Variants in GABRA5 observed in about 807,000 individuals in gnomAD.
GABRA5 encodes gamma-aminobutyric acid receptor subunit alpha-5.
Under a neutral mutation model 47.3 loss-of-function variants are expected in GABRA5, and 18 were observed. The observed-to-expected ratio is 0.38, with a 90% CI of 0.26 to 0.56. GABRA5 has a LOEUF of 0.56. Among genes scored for constraint, GABRA5 ranks in the 20% least tolerant of loss-of-function variants. The probability of loss-of-function intolerance (pLI) is 0.71; values close to 1 mark genes in which losing one functional copy is unlikely to be tolerated. For synonymous variants in GABRA5, 237 were observed against 229.3 expected (o/e 1.03, Z -0.30); for missense variants, 365 against 599.3 (o/e 0.61, Z 4.08).
chr15:26,867,814 C>G lies in GABRA5; in HGVS notation c.-140+703C>G, dbSNP rs1351170329. The G allele has an allele frequency of 3.3e-5, 5 of 152,032 alleles. No individual in the cohort carries two copies. The highest frequency in any genetic ancestry group is 9.7e-5 in the African/African-American group (4 of 41,440). 9.4% of individuals were successfully genotyped at this position (152,032 alleles called of 1,614,324 possible). On this transcript the variant is annotated intron_variant, in intron 1 of 10. Transcript: ENST00000335625. This position sits in a 1 kb window ranked among gnomAD's most constrained non-coding sequence, Gnocchi z 5.9. ...TCGGACCCCGCGGGGGTGTCGCGCG[C>G]GTGTCGCGCGGGCTGCTCGAGGCCA...
At chr15:26,936,691 G>C (rs1012014390) in intron 7 of GABRA5, among the ~76,000 whole-genome samples, 1 of 152,208 alleles carries the variant, frequency 6.6e-6, no homozygotes, top group South Asian at 2.1e-4. Context: ...CTGTTGCAGA[G>C]TGGAAGGCTT....
At chr15:26,945,714 G>A (rs941970384) in intron 10 of GABRA5, among the ~76,000 whole-genome samples, 1 of 152,182 alleles carries the variant, frequency 6.6e-6, no homozygotes, top group African/African-American at 2.4e-5. Context: ...GCCTGCAGCT[G>A]GGGAGCACGT....
intron 10 of GABRA5, among the ~76,000 whole-genome samples, chr15:26,945,937 G>A (rs1942249328): frequency 6.6e-6 from 1 of 151,882 alleles, no homozygotes; most frequent in Non-Finnish European, 1.5e-5. Flanking sequence ...ATTCTAAGCA[G>A]TAACTCACAT....
intron 6 of GABRA5, among the ~76,000 whole-genome samples, chr15:26,893,825 G>A (rs1893103471): frequency 6.6e-6 from 1 of 152,070 alleles, no homozygotes; most frequent in African/African-American, 2.4e-5. Flanking sequence ...TGGGCCAGGG[G>A]ACCCGCGTGG....
intron 3 of GABRA5, among the ~76,000 whole-genome samples, chr15:26,875,988 G>A (rs1488738393): frequency 2.0e-5 from 3 of 152,192 alleles, no homozygotes; most frequent in African/African-American, 7.2e-5. Context: ...AGAGGTGATT[G>A]CAGTGGCCCA....
chr15:26,876,763 C>T (rs1318508399), intron 3 of GABRA5, among the ~76,000 whole-genome samples: 1 of 152,152 alleles, frequency 6.6e-6, no homozygotes, highest in African/African-American at 2.4e-5. Context: ...GAATGAAAGG[C>T]TCTTTTAAAG....
intron 7 of GABRA5, among the ~76,000 whole-genome samples, chr15:26,927,871 C>G (rs1014755151): frequency 1.3e-5 from 2 of 152,146 alleles, no homozygotes; most frequent in African/African-American, 4.8e-5. Context: ...TAATGCAGAA[C>G]TGAATTAACA....
At chr15:26,895,387 G>T (rs1566871464) in intron 6 of GABRA5, among the ~76,000 whole-genome samples, 1 of 152,110 alleles carries the variant, frequency 6.6e-6, no homozygotes, top group African/African-American at 2.4e-5. Context: ...TTCTGTGCCT[G>T]TGCAGGCTCT....
chr15:26,876,584 G>A (rs1892602047), intron 3 of GABRA5, among the ~76,000 whole-genome samples: 1 of 152,174 alleles, frequency 6.6e-6, no homozygotes, highest in Non-Finnish European at 1.5e-5. Context: ...TTCATTACTG[G>A]CCTCCAGAAG....
Position 26,948,925 on chromosome 15 carries a change from C to T in GABRA5, c.*692C>T, listed in dbSNP as rs187285139. On this transcript the variant is annotated 3_prime_UTR_variant, in exon 11 of 11. Transcript: ENST00000335625. The stretch of plus-strand genomic sequence containing the variant: ...AAAAGAAACATTTCTTACCCCACAC[C>T]ACCCACTACCTGAACAATAGCCAAG... 6.6e-6 allele frequency: 1 copy of T among 152,234 alleles called. No homozygotes were observed. The highest frequency in any genetic ancestry group is 1.9e-4 in the East Asian group (1 of 5,178). The allele number at this position is 152,234 out of a possible 1,614,324, so 9.4% of individuals were successfully genotyped here. A position where few individuals can be genotyped will look rare whatever the true frequency, so the allele number is the denominator to read the frequency against.
intron 7 of GABRA5, among the ~76,000 whole-genome samples, chr15:26,929,366 C>A (rs1002098357): frequency 6.6e-6 from 1 of 152,200 alleles, no homozygotes; most frequent in African/African-American, 2.4e-5. Flanking sequence ...TTCCATCAGA[C>A]CTTAAAGCTT....
Position 26,946,800 on chromosome 15 carries a change from CT to C in GABRA5, c.1090-1132del, listed in dbSNP as rs200885932. ...TAGAATTTTATATCCAAAAAAAAAA[CT>C]TCACAAAAAATGTATACAAGAATGT... On this transcript the variant is annotated intron_variant, in intron 10 of 10. Transcript: ENST00000335625. Among the ~76,000 whole-genome samples the C allele has an allele frequency of 1.0e-2, 1,413 of 141,320 alleles. 18 individuals are homozygous for C. Among genetic ancestry groups the C allele is most frequent in the Middle Eastern group, 0.033 (9 of 274 alleles). The allele number at this position is 141,320 out of a possible 152,430, so 92.7% of individuals were successfully genotyped here. A position where few individuals can be genotyped will look rare whatever the true frequency, so the allele number is the denominator to read the frequency against.
chr15:26,912,637 T>C (rs997154536), intron 6 of GABRA5, among the ~76,000 whole-genome samples: 4 of 152,206 alleles, frequency 2.6e-5, no homozygotes, highest in Non-Finnish European at 4.4e-5. Context: ...AACACACACG[T>C]ACACATGGAT....
intron 6 of GABRA5, among the ~76,000 whole-genome samples, chr15:26,910,236 T>C (rs1167212200): frequency 6.6e-6 from 1 of 152,120 alleles, no homozygotes; most frequent in Admixed American, 6.5e-5. Flanking sequence ...CAGAGAGCTC[T>C]TTCTTGAGTT....
chr15:26,935,995 C>T (rs1015311474), intron 7 of GABRA5, among the ~76,000 whole-genome samples: 1 of 152,114 alleles, frequency 6.6e-6, no homozygotes, highest in African/African-American at 2.4e-5. Context: ...ATGTCAAGGG[C>T]GGGACTAGTA....
intron 6 of GABRA5, among the ~76,000 whole-genome samples, chr15:26,909,678 A>T (rs1156572711): frequency 2.6e-5 from 4 of 152,144 alleles, no homozygotes; most frequent in Non-Finnish European, 4.4e-5. Flanking sequence ...TTTTCTCTGA[A>T]TCTGACACTC....
chr15:26,909,757 C>T (rs1199989827), intron 6 of GABRA5, among the ~76,000 whole-genome samples: 1 of 152,224 alleles, frequency 6.6e-6, no homozygotes, highest in Non-Finnish European at 1.5e-5. Flanking sequence ...ATTATCTCTC[C>T]ATCCCAAGAT....
chr15:26,944,725 C>G (rs757660422), intron 10 of GABRA5, among the ~76,000 whole-genome samples: 5 of 152,170 alleles, frequency 3.3e-5, no homozygotes, highest in Non-Finnish European at 7.3e-5. Flanking sequence ...GGAGACGGGG[C>G]TTCCCAACAC....
chr15:26,870,312 C>T (rs1456157958), intron 3 of GABRA5, among the ~76,000 whole-genome samples: 1 of 152,212 alleles, frequency 6.6e-6, no homozygotes, highest in Non-Finnish European at 1.5e-5. Context: ...ACATTTTCTG[C>T]TCTTCTGACT....
Sources: allele counts gnomAD v4.1 joint callset (sites outside exome capture counted in the v4.1 genomes callset), GRCh38; gene constraint gnomAD v4.1.1; non-coding constraint Gnocchi (gnomAD v3.1); transcripts MANE v1.5; gene names NCBI Gene and HGNC (gene_info 2026-07-23, HGNC 2026-07-21).